MYO1D: variants seen among roughly 807,000 people sequenced by gnomAD.
MYO1D encodes the protein myosin ID.
Under a neutral mutation model 122.0 loss-of-function variants are expected in MYO1D, and 83 were observed. The ratio of observed to expected loss-of-function variants is 0.68; its 90% confidence interval spans 0.57 to 0.82. MYO1D has a LOEUF of 0.82. Ranked by LOEUF, MYO1D falls within the 40% of genes least tolerant of loss-of-function variation. MYO1D has a pLI of 0.00. For missense variants in MYO1D, 1,157 were observed against 1,269.5 expected (o/e 0.91, Z 1.35); for synonymous variants, 464 against 446.9 (o/e 1.04, Z -0.48).
Position 32,738,389 on chromosome 17 carries a change from A to C in MYO1D, c.1614-4T>G. On this transcript the variant is annotated splice_region_variant and splice_polypyrimidine_tract_variant and intron_variant, in intron 13 of 21. Coordinates refer to ENST00000318217, the MANE Select transcript of MYO1D (RefSeq NM_015194.3). ...ATTCTTGAGCACAGGATTTGAACTG[A>C]GAAGCACAGAAAAAACAATTCAAAT... 1 of 1,564,214 alleles carries C rather than the reference A, an allele frequency of 6.4e-7. No homozygotes were observed. Among genetic ancestry groups the C allele is most frequent in the Non-Finnish European group, 8.7e-7 (1 of 1,155,726 alleles).
intron 1 of MYO1D, among the ~76,000 whole-genome samples, chr17:32,816,174 T>C: frequency 6.6e-6 from 1 of 152,170 alleles, no homozygotes; most frequent in East Asian, 1.9e-4. Flanking sequence ...AAAGGGCACA[T>C]TTGGTTCCTG....
chr17:32,743,070 T>C (rs2089790986), intron 13 of MYO1D, among the ~76,000 whole-genome samples: 1 of 152,226 alleles, frequency 6.6e-6, no homozygotes, highest in Non-Finnish European at 1.5e-5. Context: ...GCTTGGCCTC[T>C]GTGACACCAG....
At position 32,865,435 on chromosome 17, in the gene MYO1D, GGT is replaced by G. The variant is rs534976127; in HGVS notation, c.95+11341_95+11342del. On this transcript the variant is annotated intron_variant, in intron 1 of 21. Coordinates refer to ENST00000318217, the MANE Select transcript of MYO1D (RefSeq NM_015194.3). ...TGAACCTTGTGAATATACAGTAAGT[GGT>G]AATGGGTTTTTTCCCAAGACTTAAC... 2.1e-3 allele frequency among the ~76,000 whole-genome samples: 324 copies of G among 152,250 alleles called. 1 individual carries two copies. The highest frequency in any genetic ancestry group is 6.9e-3 in the African/African-American group (288 of 41,548).
chr17:32,667,818 T>C (rs570285206), intron 16 of MYO1D, among the ~76,000 whole-genome samples: 4 of 152,330 alleles, frequency 2.6e-5, no homozygotes, highest in African/African-American at 4.8e-5. Context: ...AACCTTGCAA[T>C]TCTTTAGTGC....
At chr17:32,657,188 G>A (rs1038837443) in intron 17 of MYO1D, among the ~76,000 whole-genome samples, 45 of 152,244 alleles carry the variant, frequency 3.0e-4, no homozygotes, top group African/African-American at 1.1e-3. Flanking sequence ...AAGAACAGGA[G>A]TGAACTGAAA....
intron 1 of MYO1D, among the ~76,000 whole-genome samples, chr17:32,857,866 C>T (rs1055825266): frequency 1.8e-4 from 28 of 152,198 alleles, no homozygotes; most frequent in African/African-American, 6.8e-4. Flanking sequence ...TTATTATATG[C>T]TACTTTCGGG....
chr17:32,765,995 A>T lies in MYO1D; in HGVS notation c.832-914T>A, dbSNP rs565193201. 2.0e-5 allele frequency among the ~76,000 whole-genome samples: 3 copies of T among 151,138 alleles called. 1 individual carries two copies. The South Asian group carries it at 6.3e-4, about 32-fold the overall frequency. On this transcript the variant is annotated intron_variant, in intron 7 of 21. Coordinates refer to ENST00000318217, the MANE Select transcript of MYO1D (RefSeq NM_015194.3). ...CGTCCCAGGCTTAAGCGATCCTTCCACCCCCAGCCCCTCTAAATAGCTGGG... is the reference window on the plus strand; with the variant it reads ...CGTCCCAGGCTTAAGCGATCCTTCCTCCCCCAGCCCCTCTAAATAGCTGGG...
chr17:32,590,886 C>A (rs1341600456), intron 21 of MYO1D, among the ~76,000 whole-genome samples: 1 of 152,128 alleles, frequency 6.6e-6, no homozygotes, highest in Non-Finnish European at 1.5e-5. Context: ...AGAGCTACGG[C>A]CTTTAAAAAG....
chr17:32,870,606 A>C (rs1403122796), intron 1 of MYO1D, among the ~76,000 whole-genome samples: 1 of 152,158 alleles, frequency 6.6e-6, no homozygotes, highest in Non-Finnish European at 1.5e-5. Flanking sequence ...CTAAAAAAAA[A>C]AAAAAAGAAA....
intron 12 of MYO1D, 133 bp from the exon 13 acceptor site, chr17:32,745,418 T>C (rs988000261): frequency 1.1e-5 from 7 of 616,440 alleles, no homozygotes; most frequent in Non-Finnish European, 2.0e-5. Context: ...ATTGTTCATC[T>C]TGTTCTGTAT....
chr17:32,733,719 G>A (rs1233345371), intron 14 of MYO1D, among the ~76,000 whole-genome samples: 1 of 152,118 alleles, frequency 6.6e-6, no homozygotes, highest in Non-Finnish European at 1.5e-5. Context: ...ACAGGGTGAG[G>A]GGCAGCTTTA....
intron 1 of MYO1D, chr17:32,794,409 G>A (rs954369791): frequency 7.2e-5 from 11 of 152,198 alleles, no homozygotes; most frequent in Admixed American, 5.9e-4. Flanking sequence ...ACGTTTTTAG[G>A]TGATGCTTGC....
intron 2 of MYO1D, among the ~76,000 whole-genome samples, chr17:32,779,445 GA>G (rs1184589900): frequency 4.0e-5 from 6 of 150,664 alleles, no homozygotes; most frequent in African/African-American, 1.5e-4. Flanking sequence ...TTATTAAATG[GA>G]AAAATTAGTT....
intron 14 of MYO1D, among the ~76,000 whole-genome samples, chr17:32,723,369 G>GA (rs2089534483): frequency 6.6e-6 from 1 of 152,178 alleles, no homozygotes. Flanking sequence ...TGTAAGAACT[G>GA]AATTGAATTG....
At chr17:32,825,629 G>A (rs976320550) in intron 1 of MYO1D, among the ~76,000 whole-genome samples, 5 of 152,260 alleles carry the variant, frequency 3.3e-5, no homozygotes, top group Middle Eastern at 3.4e-3. Context: ...GCTCATATGC[G>A]CAGAGTTTTA....
At chr17:32,507,841 G>A (rs1033635605) in intron 21 of MYO1D, among the ~76,000 whole-genome samples, 6 of 151,792 alleles carry the variant, frequency 4.0e-5, no homozygotes, top group Non-Finnish European at 8.8e-5. Flanking sequence ...AAAGAAGGTG[G>A]CAGTCTGCAA....
rs1436966468 is a variant in MYO1D at position 32,654,628 on chromosome 17, G to A, written c.2346-7C>T. ...GAGCTGGGATGCTCTCCATCTACAA[G>A]TAAATAGACAACATGTATTAGACTT... is the stretch of plus-strand genomic sequence containing the variant. On this transcript the variant is annotated splice_polypyrimidine_tract_variant and splice_region_variant and intron_variant, in intron 17 of 21. Transcript: ENST00000318217. 1.9e-6 allele frequency: 3 copies of A among 1,594,176 alleles called. No homozygotes were observed. The highest frequency in any genetic ancestry group is 1.7e-4 in the Middle Eastern group (1 of 5,888).
intron 1 of MYO1D, among the ~76,000 whole-genome samples, chr17:32,811,616 CTTTTTTTTTTTTTT>C (rs755189217): frequency 1.7e-5 from 1 of 57,540 alleles, no homozygotes; most frequent in East Asian, 6.7e-4. Context: ...CCCTCACCCT[CTTTTTTTTTTTTTT>C]TTTTTTTTTT....
rs66782964 is a variant in MYO1D at position 32,556,551 on chromosome 17, A to ATTTTT, written c.2864+48531_2864+48535dup. ...TGCAGACACAGGGTTTATGGCCACA[A>ATTTTT]TTTTTTTTTTTTTTTTTAAGATGGG... On this transcript the variant is annotated intron_variant, in intron 21 of 21. Transcript: ENST00000318217. Among the ~76,000 whole-genome samples the ATTTTT allele has an allele frequency of 6.4e-4, 89 of 139,628 alleles. 3 individuals are homozygous for ATTTTT. The highest frequency in any genetic ancestry group is 2.3e-3 in the African/African-American group (87 of 37,166). The allele number at this position is 139,628 out of a possible 152,430, so 91.6% of individuals were successfully genotyped here. A position where few individuals can be genotyped will look rare whatever the true frequency, so the allele number is the denominator to read the frequency against.
Sources: gnomAD v4.1 joint callset for allele counts (sites outside exome capture counted in the v4.1 genomes callset) on GRCh38, gnomAD v4.1.1 for gene constraint, MANE v1.5 for transcripts, NCBI Gene and HGNC (gene_info 2026-07-23, HGNC 2026-07-21) for gene names.